The following CASZ1 variants were observed in gnomAD, a reference collection of about 807,000 sequenced individuals.
CASZ1 encodes castor zinc finger 1, also known as zinc finger protein castor homolog 1.
Under a neutral mutation model 135.2 loss-of-function variants are expected in CASZ1, and 28 were observed. The observed-to-expected ratio is 0.21, with a 90% CI of 0.15 to 0.28. The LOEUF is 0.28. CASZ1 is among the 10% of genes least tolerant of loss of function. The probability of loss-of-function intolerance (pLI) is 1.00; values close to 1 mark genes in which losing one functional copy is unlikely to be tolerated. For missense variants in CASZ1, 2,161 were observed against 2,453.3 expected (o/e 0.88, Z 2.52); for synonymous variants, 1,068 against 1,073.4 (o/e 0.99, Z 0.10).
chr1:10,642,882 A>G lies in CASZ1; in HGVS notation c.4139T>C (p.Val1380Ala). ...ACCTGCCGCGGTGCTCTCGTTACCCACGGGGGTGCTGGAGCAGCTCCGGTC... is the reference window on the plus strand; with the variant it reads ...ACCTGCCGCGGTGCTCTCGTTACCCGCGGGGGTGCTGGAGCAGCTCCGGTC... ...TMDRSCSSTP[V>A]GNESTAAGNT... The change falls in exon 20 of 21, where the codon GTG becomes GCG. Residue 1380 changes from valine (V) to alanine (A), a missense_variant. This residue lies in a region of CASZ1 where 143 missense variants were observed against 128.3 expected (regional missense o/e 1.11). Coordinates refer to ENST00000377022, the MANE Select transcript of CASZ1 (RefSeq NM_001079843.3). The G allele has an allele frequency of 6.2e-7, 1 of 1,612,838 alleles. No homozygotes were observed. Among genetic ancestry groups the G allele is most frequent in the Non-Finnish European group, 8.5e-7 (1 of 1,179,872 alleles).
chr1:10,691,761 T>G (rs780869650), intron 4 of CASZ1, among the ~76,000 whole-genome samples: 2 of 152,266 alleles, frequency 1.3e-5, no homozygotes, highest in African/African-American at 2.4e-5. Context: ...CGTCCTCATC[T>G]GCTTCCCTTT....
rs1483364256 is a variant in CASZ1, at chr1:10,679,119, C to T, written c.17-13548G>A. Among the ~76,000 whole-genome samples, 2 of 152,190 alleles carry T rather than the reference C, an allele frequency of 1.3e-5. No individual in the cohort carries two copies. The highest frequency in any genetic ancestry group is 2.9e-5 in the Non-Finnish European group (2 of 68,024). On this transcript the variant is annotated intron_variant, in intron 4 of 20. Coordinates refer to ENST00000377022, the MANE Select transcript of CASZ1 (RefSeq NM_001079843.3). The surrounding 1 kb of genome is among the most constrained non-coding windows in gnomAD (Gnocchi z 4.7). Reference sequence around the variant, plus strand: ...AGAGCTGAGGTTCAGGAGGGGTACCCGCTGCCCCGACTTCCCAGGATTCAC... The same window carrying T: ...AGAGCTGAGGTTCAGGAGGGGTACCTGCTGCCCCGACTTCCCAGGATTCAC...
intron 11 of CASZ1, 115 bp downstream of exon 11, chr1:10,653,262 G>T (rs1414185847): frequency 9.2e-7 from 1 of 1,086,434 alleles, no homozygotes; most frequent in Non-Finnish European, 1.4e-6. Context: ...TGGCAAGCAG[G>T]GGCCACACGG....
intron 2 of CASZ1, among the ~76,000 whole-genome samples, chr1:10,746,428 AC>A: frequency 6.6e-6 from 1 of 152,220 alleles, no homozygotes; most frequent in African/African-American, 2.4e-5. Context: ...CTTTAATTAG[AC>A]CCCAGGAAAA....
At chr1:10,685,711 C>T (rs76421288) in intron 4 of CASZ1, among the ~76,000 whole-genome samples, 2 of 152,240 alleles carry the variant, frequency 1.3e-5, no homozygotes, top group East Asian at 3.9e-4. Context: ...ATTGCCACGC[C>T]TGCCTGAGCC....
rs916872857 is a variant in CASZ1 at position 10,777,420 on chromosome 1, A to C, written c.-233-16563T>G. ...CAAACCACCGCATCATTCCCACAAA[A>C]TCCTCTGAGCTCATGCGGAAGGAAG... On this transcript the variant is annotated intron_variant, in intron 1 of 20. Transcript: ENST00000377022. This position sits in a 1 kb window ranked among gnomAD's most constrained non-coding sequence, Gnocchi z 4.4. 1.1e-4 allele frequency among the ~76,000 whole-genome samples: 16 copies of C among 151,984 alleles called. No individual in the cohort carries two copies. The highest frequency in any genetic ancestry group is 3.9e-4 in the African/African-American group (16 of 41,362).
rs1641078681 is a variant in CASZ1, at chr1:10,796,636, C to A, written c.-306G>T. 1 of 152,278 alleles carries A rather than the reference C, an allele frequency of 6.6e-6. No individual in the cohort carries two copies. 9.4% of individuals were successfully genotyped at this position (152,278 alleles called of 1,614,324 possible). On this transcript the variant is annotated 5_prime_UTR_variant, in exon 1 of 21. Transcript: ENST00000377022. ...TGTGTGTGTGTTTGGGATGGAGCGC[C>A]GCGGGCGCGCATGCGCTGCCCAAAG...
At chr1:10,680,775 C>A (rs1638390805) in intron 4 of CASZ1, among the ~76,000 whole-genome samples, 1 of 152,262 alleles carries the variant, frequency 6.6e-6, no homozygotes, top group South Asian at 2.1e-4. Flanking sequence ...ACCAATGAGT[C>A]ACCAGCAACA....
At chr1:10,653,084 C>A (rs549702944) in intron 11 of CASZ1, 4 of 459,700 alleles carry the variant, frequency 8.7e-6, no homozygotes, top group African/African-American at 6.0e-5. Context: ...GGAGGGGGGA[C>A]CTGCAGTGGC....
At position 10,665,373 on chromosome 1, in the gene CASZ1, C is replaced by T. The variant is rs1274066668; in HGVS notation, c.215G>A (p.Gly72Glu). ...CTCGCTGCGGGGGGCCCGGGCTGCC[C>T]CAGACTCAGGGCCACTGCGCTCTTG... ...RDQERSGPES[G>E]AARAPRSEED... is the part of the protein sequence containing the mutation. Residue 72 changes from glycine to glutamate, a missense_variant, in exon 5 of 21, where the codon GGG (glycine) becomes GAG (glutamate). Physicochemically the swap from Gly to Glu is moderately conservative, Grantham distance 98. Transcript: ENST00000377022. 1.9e-6 allele frequency: 3 copies of T among 1,612,006 alleles called. No individual in the cohort carries two copies. Among genetic ancestry groups the T allele is most frequent in the South Asian group, 1.1e-5 (1 of 90,906 alleles).
chr1:10,736,233 A>G (rs1043501109), intron 2 of CASZ1, among the ~76,000 whole-genome samples: 4 of 152,182 alleles, frequency 2.6e-5, no homozygotes, highest in African/African-American at 9.7e-5. Context: ...ACGCTTCAGA[A>G]TCGCACCTGC....
chr1:10,779,861 C>G (rs923086035), intron 1 of CASZ1, among the ~76,000 whole-genome samples: 1 of 152,222 alleles, frequency 6.6e-6, no homozygotes, highest in African/African-American at 2.4e-5. Flanking sequence ...GGAGAACTCT[C>G]TCGGAATTGA....
At chr1:10,662,756 C>G (rs906711958) in intron 5 of CASZ1, among the ~76,000 whole-genome samples, 5 of 152,156 alleles carry the variant, frequency 3.3e-5, no homozygotes, top group Admixed American at 6.5e-5. Flanking sequence ...ACACACCTCA[C>G]AGACTCTTGC....
chr1:10,673,721 C>G (rs2100330416), intron 4 of CASZ1, among the ~76,000 whole-genome samples: 1 of 152,344 alleles, frequency 6.6e-6, no homozygotes, highest in South Asian at 2.1e-4. Flanking sequence ...ACCTCCAGCT[C>G]TAGGGAACCC....
At chr1:10,686,687 T>TA (rs2100382007) in intron 4 of CASZ1, among the ~76,000 whole-genome samples, 1 of 152,292 alleles carries the variant, frequency 6.6e-6, no homozygotes, top group South Asian at 2.1e-4. Context: ...CTTCTCCCCT[T>TA]AATGGGGCCG....
At chr1:10,655,211 C>T (rs1181774601) in intron 9 of CASZ1, among the ~76,000 whole-genome samples, 5 of 152,176 alleles carry the variant, frequency 3.3e-5, no homozygotes, top group Non-Finnish European at 2.9e-5. Context: ...TGACAAATAC[C>T]GGGGGAGGCA....
In CASZ1 at chr1:10,788,186, A is replaced by C. The variant is rs536512860; in HGVS notation, c.-234+8378T>G. ...TGTATCCATTACTGTGGATAGGGGAACCGGGAGAGCTGCCTTTGGCTTGGT... is the reference window on the plus strand; with the variant it reads ...TGTATCCATTACTGTGGATAGGGGACCCGGGAGAGCTGCCTTTGGCTTGGT... On this transcript the variant is annotated intron_variant, in intron 1 of 20. Coordinates refer to ENST00000377022, the MANE Select transcript of CASZ1 (RefSeq NM_001079843.3). The surrounding 1 kb of genome is among the most constrained non-coding windows in gnomAD (Gnocchi z 4.1). Among the ~76,000 whole-genome samples, 1 of 152,282 alleles carries C rather than the reference A, an allele frequency of 6.6e-6. No homozygotes were observed. The highest frequency in any genetic ancestry group is 6.5e-5 in the Admixed American group (1 of 15,306).
intron 10 of CASZ1, 92 bp downstream of exon 10, chr1:10,654,327 C>A: frequency 6.3e-7 from 1 of 1,575,090 alleles, no homozygotes; most frequent in South Asian, 1.2e-5. Context: ...GGCTGGACAC[C>A]GAGGCAGGGG....
intron 3 of CASZ1, among the ~76,000 whole-genome samples, chr1:10,703,625 T>C (rs916362677): frequency 6.6e-6 from 1 of 152,074 alleles, no homozygotes; most frequent in African/African-American, 2.4e-5. Flanking sequence ...GCTTTTTTTT[T>C]CAAGGTGCTC....
Sources: gnomAD v4.1 joint callset for allele counts (sites outside exome capture counted in the v4.1 genomes callset) on GRCh38, gnomAD v4.1.1 for gene constraint, gnomAD v4.1.1 regional missense constraint, Gnocchi (gnomAD v3.1) non-coding constraint, MANE v1.5 for transcripts, NCBI Gene and HGNC (gene_info 2026-07-23, HGNC 2026-07-21) for gene names.